Variants in CNBD1 observed in about 807,000 individuals in gnomAD.
The protein encoded by CNBD1 is cyclic nucleotide-binding domain-containing protein 1.
Under a neutral mutation model 54.4 loss-of-function variants are expected in CNBD1, and 71 were observed. The ratio of observed to expected loss-of-function variants is 1.30; its 90% CI spans 1.08 to 1.59. CNBD1 has a LOEUF of 1.59. CNBD1 is among the 40% of genes most tolerant of loss of function. CNBD1 has a pLI of 0.00. For missense variants in CNBD1, 659 were observed against 518.0 expected, an observed-to-expected ratio of 1.27 and a Z score of -2.64; for synonymous variants, 182 against 170.7, an observed-to-expected ratio of 1.07 and a Z score of -0.51.
intron 4 of CNBD1, among the ~76,000 whole-genome samples, chr8:87,095,955 G>A (rs1368071980): frequency 6.6e-6 from 1 of 152,164 alleles, no homozygotes; most frequent in East Asian, 1.9e-4. Flanking sequence ...ACAACGCCCG[G>A]CCCTGTTATT....
At chr8:87,225,699 C>G (rs1586343589) in intron 5 of CNBD1, among the ~76,000 whole-genome samples, 2 of 152,142 alleles carry the variant, frequency 1.3e-5, no homozygotes, top group African/African-American at 4.8e-5. Flanking sequence ...ATCTAAAATT[C>G]TCTTTTTTGG....
At chr8:86,983,569 A>G (rs1235187157) in intron 4 of CNBD1, among the ~76,000 whole-genome samples, 1 of 152,202 alleles carries the variant, frequency 6.6e-6, no homozygotes, top group African/African-American at 2.4e-5. Context: ...AAATGCTGAT[A>G]GTGATATGGA....
intron 2 of CNBD1, among the ~76,000 whole-genome samples, chr8:87,415,313 G>T (rs998933749): frequency 1.1e-4 from 16 of 151,612 alleles, no homozygotes; most frequent in South Asian, 2.1e-4. Context: ...GTATTATTAA[G>T]AGTCCTAAGG....
At chr8:87,426,208 G>A (rs577535925) in intron 2 of CNBD1, among the ~76,000 whole-genome samples, 5 of 152,242 alleles carry the variant, frequency 3.3e-5, no homozygotes, top group Admixed American at 6.5e-5. Context: ...ACTGACCTGC[G>A]CCCGCTGTCT....
At chr8:86,945,944 T>A (rs1327254569) in intron 4 of CNBD1, among the ~76,000 whole-genome samples, 1 of 152,162 alleles carries the variant, frequency 6.6e-6, no homozygotes, top group African/African-American at 2.4e-5. Flanking sequence ...GCCTGCAGAG[T>A]CAGAAAGAAC....
At chr8:87,014,383 A>G (rs1429873846) in intron 4 of CNBD1, among the ~76,000 whole-genome samples, 1 of 152,058 alleles carries the variant, frequency 6.6e-6, no homozygotes, top group Non-Finnish European at 1.5e-5. Flanking sequence ...CCAAGACAGA[A>G]TGATCTTTGC....
intron 4 of CNBD1, among the ~76,000 whole-genome samples, chr8:87,086,321 TC>T (rs1811095563): frequency 6.6e-6 from 1 of 152,220 alleles, no homozygotes; most frequent in Non-Finnish European, 1.5e-5. Context: ...ACCTGACTTT[TC>T]TTAGGTATCA....
At chr8:87,093,348 A>G (rs751559239) in intron 4 of CNBD1, among the ~76,000 whole-genome samples, 1 of 152,120 alleles carries the variant, frequency 6.6e-6, no homozygotes, top group Non-Finnish European at 1.5e-5. Flanking sequence ...TGTGGTGGTT[A>G]GGGAGTGGGC....
chr8:86,905,301 A>T, intron 3 of CNBD1, 107 bp downstream of exon 3: 1 of 653,048 alleles, frequency 1.5e-6, no homozygotes, highest in Non-Finnish European at 2.7e-6. Context: ...TTTCAGTCAA[A>T]TATTTAGTGT....
At chr8:87,278,209 A>C (rs993734238) in intron 6 of CNBD1, among the ~76,000 whole-genome samples, 26 of 151,660 alleles carry the variant, frequency 1.7e-4, no homozygotes, top group African/African-American at 6.3e-4. Flanking sequence ...AATTCTGATA[A>C]GTATGCAATT....
intron 2 of CNBD1, among the ~76,000 whole-genome samples, chr8:87,414,462 T>G (rs1185436592): frequency 6.6e-6 from 1 of 152,052 alleles, no homozygotes; most frequent in Non-Finnish European, 1.5e-5. Context: ...ACATGGCACA[T>G]GTATACATAT....
At chr8:87,395,336 G>A (rs1586076849) in intron 2 of CNBD1, among the ~76,000 whole-genome samples, 2 of 151,834 alleles carry the variant, frequency 1.3e-5, no homozygotes. Flanking sequence ...TGTTCTTGCT[G>A]CTACTCTGGA....
chr8:87,421,194 A>C (rs1258779571), intron 2 of CNBD1, among the ~76,000 whole-genome samples: 1 of 151,986 alleles, frequency 6.6e-6, no homozygotes, highest in Non-Finnish European at 1.5e-5. Context: ...TAGGCAAGTT[A>C]CATAATTCAC....
chr8:87,249,226 C>A (rs1423467676), intron 6 of CNBD1, among the ~76,000 whole-genome samples: 1 of 152,154 alleles, frequency 6.6e-6, no homozygotes, highest in Non-Finnish European at 1.5e-5. Context: ...CCCTCCCATG[C>A]ACAGTTCACA....
intron 8 of CNBD1, among the ~76,000 whole-genome samples, chr8:87,316,310 A>C (rs1042018692): frequency 6.6e-6 from 1 of 152,050 alleles, no homozygotes; most frequent in Non-Finnish European, 1.5e-5. Context: ...AGGAACAAAA[A>C]TTCCTGTCTA....
At chr8:87,255,197 C>T (rs183443271) in intron 6 of CNBD1, among the ~76,000 whole-genome samples, 3 of 152,048 alleles carry the variant, frequency 2.0e-5, no homozygotes, top group South Asian at 2.1e-4. Flanking sequence ...AAAAAAAAGT[C>T]GACAGAGACA....
At chr8:87,297,285 C>T (rs1808896901) in intron 8 of CNBD1, among the ~76,000 whole-genome samples, 1 of 150,802 alleles carries the variant, frequency 6.6e-6, no homozygotes, top group Non-Finnish European at 1.5e-5. Context: ...ATACCTTTTT[C>T]ATATTTTGTT....
intron 2 of CNBD1, among the ~76,000 whole-genome samples, chr8:87,389,273 A>G (rs1024572535): frequency 1.3e-5 from 2 of 152,196 alleles, no homozygotes; most frequent in African/African-American, 4.8e-5. Context: ...GGAGAAGGAA[A>G]TAAAGGGTAT....
At chr8:86,952,624 T>C (rs547810252) in intron 4 of CNBD1, among the ~76,000 whole-genome samples, 1 of 151,822 alleles carries the variant, frequency 6.6e-6, no homozygotes, top group African/African-American at 2.4e-5. Context: ...ATTAAATGTA[T>C]AAGCATTTTT....
Sources: allele counts gnomAD v4.1 joint callset (sites outside exome capture counted in the v4.1 genomes callset), GRCh38; gene constraint gnomAD v4.1.1; transcripts MANE v1.5; gene names NCBI Gene and HGNC (gene_info 2026-07-23, HGNC 2026-07-21).